Variants in ADPRHL1 observed in about 807,000 individuals in gnomAD.
ADPRHL1 encodes the protein ADP-ribosylhydrolase like 1, also known as inactive ADP-ribosyltransferase ARH2.
ADPRHL1 carries 43 observed loss-of-function variants against 44.1 expected under a neutral mutation model. The ratio of observed to expected loss-of-function variants is 0.98; its 90% CI spans 0.76 to 1.26. ADPRHL1 has a LOEUF of 1.26. Among genes scored for constraint, ADPRHL1 ranks in the 50% most tolerant of loss-of-function variants. ADPRHL1 has a pLI of 0.00. For missense variants in ADPRHL1, 2,022 were observed against 2,496.9 expected (o/e 0.81, Z 4.05); for synonymous variants, 878 against 1,017.4 (o/e 0.86, Z 2.61).
At chr13:113,443,577 C>T (rs1249223765) in intron 2 of ADPRHL1, among the ~76,000 whole-genome samples, 2 of 151,954 alleles carry the variant, frequency 1.3e-5, no homozygotes, top group Admixed American at 6.6e-5. Context: ...CATGACTGCA[C>T]CACTGCACTC....
intron 7 of ADPRHL1, among the ~76,000 whole-genome samples, chr13:113,417,211 C>T (rs1025594317): frequency 6.6e-6 from 1 of 152,140 alleles, no homozygotes; most frequent in East Asian, 1.9e-4. Context: ...GTGTGTGGGA[C>T]AAGACAAGGC....
At chr13:113,451,343 T>G (rs1876063572) in intron 1 of ADPRHL1, among the ~76,000 whole-genome samples, 1 of 152,214 alleles carries the variant, frequency 6.6e-6, no homozygotes, top group South Asian at 2.1e-4. Context: ...TCGTGTCCTC[T>G]GTCTCTTGCC....
rs993822984 is a variant in ADPRHL1 at position 113,403,776 on chromosome 13, C to G, written c.5506G>C (p.Gly1836Arg). The G allele has an allele frequency of 9.7e-6, 12 of 1,233,198 alleles. No individual in the cohort carries two copies. The African/African-American group carries it at 1.7e-4, about 18-fold the overall frequency. 76.4% of individuals were successfully genotyped at this position (1,233,198 alleles called of 1,614,324 possible). Residue 1836 changes from glycine (G) to arginine (R), a missense_variant, in exon 8 of 8, where the codon GGG becomes CGG. Around this residue, in one of 8 missense-constraint regions of ADPRHL1, gnomAD observed 205 missense variants for 250.1 expected, o/e 0.82. Transcript: ENST00000612156. Reference sequence around the variant, plus strand: ...CTGGGGGCTGGGCTTCTGGACCCCCCACTCCTGCCAGCAGCATCCACTCCC... The same window carrying G: ...CTGGGGGCTGGGCTTCTGGACCCCCGACTCCTGCCAGCAGCATCCACTCCC... ...AEGVDAAGRS[G>R]GSRSPAPRDG...
intron 4 of ADPRHL1, among the ~76,000 whole-genome samples, chr13:113,427,662 G>C (rs1378518258): frequency 6.6e-6 from 1 of 152,172 alleles, no homozygotes; most frequent in Non-Finnish European, 1.5e-5. Context: ...CGGTAAGAGA[G>C]ATGAAACCAC....
At position 113,405,603 on chromosome 13, in the gene ADPRHL1, A is replaced by G; in HGVS notation, c.3679T>C (p.Leu1227=). 1 of 1,232,564 alleles carries G rather than the reference A, an allele frequency of 8.1e-7. No homozygotes were observed. Among genetic ancestry groups the G allele is most frequent in the East Asian group, 3.2e-5 (1 of 31,712 alleles). 76.4% of individuals were successfully genotyped at this position (1,232,564 alleles called of 1,614,324 possible). A position where few individuals can be genotyped will look rare whatever the true frequency, so the allele number is the denominator to read the frequency against. ...GCTGCTGATGTGTTTGAAATGTATAATCGGGCCGCCTCTGGGTGCCGGGCG... is the reference window on the plus strand; with the variant it reads ...GCTGCTGATGTGTTTGAAATGTATAGTCGGGCCGCCTCTGGGTGCCGGGCG... ...ALARHPEAAR[L]YISNTSAASR... The change falls in exon 8 of 8, where the codon TTA becomes CTA. Residue 1227 remains leucine (L), a synonymous_variant. Coordinates refer to ENST00000612156, the MANE Select transcript of ADPRHL1 (RefSeq NM_001394807.1).
At position 113,424,286 on chromosome 13, in the gene ADPRHL1, C is replaced by T. The variant is rs2043947199; in HGVS notation, c.838G>A (p.Ala280Thr). The T allele has an allele frequency of 6.2e-7, 1 of 1,612,966 alleles. No individual in the cohort carries two copies. The highest frequency in any genetic ancestry group is 8.5e-7 in the Non-Finnish European group (1 of 1,179,944). The change falls in exon 6 of 8, where the codon GCC becomes ACC. Residue 280 changes from alanine to threonine, a missense_variant. Transcript: ENST00000612156. ...CCTGCTGCAAGGAGGGCGTCATAGGCTATCATGGGGGCATCGTGGCCTCGT... is the reference window on the plus strand; with the variant it reads ...CCTGCTGCAAGGAGGGCGTCATAGGTTATCATGGGGGCATCGTGGCCTCGT... The part of the protein sequence containing the change: ...GRRGHDAPMI[A>T]YDALLAAGNS...
In ADPRHL1 at chr13:113,408,269, A is replaced by G. The variant is rs1247330824; in HGVS notation, c.1062-49T>C. 3.2e-6 allele frequency: 4 copies of G among 1,230,966 alleles called. No homozygotes were observed. In the East Asian group the frequency reaches 1.3e-4, roughly 39 times the overall value. 76.3% of individuals were successfully genotyped at this position (1,230,966 alleles called of 1,614,324 possible). A position where few individuals can be genotyped will look rare whatever the true frequency, so the allele number is the denominator to read the frequency against. ...CCTACTTCATCATCATTTTTCTCCA[A>G]GATGACTCTATAGAACATTTATCAT... is the stretch of plus-strand genomic sequence containing the variant. On this transcript the variant is annotated intron_variant, in intron 7 of 7. Transcript: ENST00000612156.
intron 1 of ADPRHL1, among the ~76,000 whole-genome samples, chr13:113,446,248 AC>A (rs1182219725): frequency 1.4e-5 from 2 of 146,376 alleles, no homozygotes; most frequent in Non-Finnish European, 3.0e-5. Context: ...GCAGCTGCAA[AC>A]CCCCCAGAGA....
At position 113,406,364 on chromosome 13, in the gene ADPRHL1, T is replaced by C. The variant is rs2043808542; in HGVS notation, c.2918A>G (p.Asp973Gly). ...ENSHGPRNPDDISGERTSELR... is the reference protein window; with the variant it reads ...ENSHGPRNPDGISGERTSELR... ...CTCAGAGGTCCTCTCTCCTGAAATA[T>C]CGTCAGGATTCCTGGGACCGTGTGA... Residue 973 changes from aspartate (D) to glycine (G), a missense_variant, in exon 8 of 8, where the codon GAT becomes GGT. Coordinates refer to ENST00000612156, the MANE Select transcript of ADPRHL1 (RefSeq NM_001394807.1). 2 of 1,232,090 alleles carry C rather than the reference T, an allele frequency of 1.6e-6. No homozygotes were observed. Among genetic ancestry groups the C allele is most frequent in the Non-Finnish European group, 2.0e-6 (2 of 987,964 alleles). 76.3% of individuals were successfully genotyped at this position (1,232,090 alleles called of 1,614,324 possible). A position where few individuals can be genotyped will look rare whatever the true frequency, so the allele number is the denominator to read the frequency against.
chr13:113,419,237 G>A (rs1434879755), intron 7 of ADPRHL1, among the ~76,000 whole-genome samples: 2 of 146,642 alleles, frequency 1.4e-5, no homozygotes, highest in African/African-American at 5.1e-5. Context: ...CTCCCAAGGA[G>A]CTGGGACTAC....
In ADPRHL1 at chr13:113,406,050, A is replaced by C; in HGVS notation, c.3232T>G (p.Ser1078Ala). 8.1e-7 allele frequency: 1 copy of C among 1,232,158 alleles called. No homozygotes were observed. Among genetic ancestry groups the C allele is most frequent in the Non-Finnish European group, 1.0e-6 (1 of 988,034 alleles). 76.3% of individuals were successfully genotyped at this position (1,232,158 alleles called of 1,614,324 possible). Residue 1078 changes from serine (S) to alanine (A), a missense_variant, in exon 8 of 8, where the codon TCT (serine) becomes GCT (alanine). Ser to Ala is a moderately conservative substitution (Grantham distance 99, BLOSUM62 1). This residue lies in a region of ADPRHL1 where 1,221 missense variants were observed against 1,517.8 expected (regional missense o/e 0.80). Transcript: ENST00000612156. The stretch of plus-strand genomic sequence containing the variant: ...TCCTCGGCAGCCTTCAGGGGCTGAG[A>C]AGACTCTATTAGCAGCGGCCTTCTG... ...ECRRPLLIES[S>A]QPLKAAEEIT...
At chr13:113,422,645 A>G (rs2043933684) in intron 7 of ADPRHL1, 181 bp downstream of exon 7, 1 of 767,980 alleles carries the variant, frequency 1.3e-6, no homozygotes, top group Non-Finnish European at 2.0e-6. Context: ...CAGGACAAAC[A>G]ATGTATTTTA....
rs1424113278 is a variant in ADPRHL1, at chr13:113,444,553, A to G, written c.251T>C (p.Val84Ala). The G allele has an allele frequency of 6.2e-7, 1 of 1,612,702 alleles. No homozygotes were observed. The highest frequency in any genetic ancestry group is 1.7e-5 in the Admixed American group (1 of 59,980). ...CTCAACGATTTCCACATAGCATCTC[A>G]CCATCTCCCGGTACAGATCATCCAG... ...WCLDDLYREM[V>A]RCYVEIVEKL... is the part of the protein sequence containing the mutation. The change falls in exon 2 of 8, where the codon GTG (valine) becomes GCG (alanine). Residue 84 changes from valine (V) to alanine (A), a missense_variant. By Grantham distance (64) the Val-to-Ala change is moderately conservative (BLOSUM62 0). This residue lies in a region of ADPRHL1 where 437 missense variants were observed against 430.7 expected (regional missense o/e 1.01). Transcript: ENST00000612156.
intron 4 of ADPRHL1, 131 bp downstream of exon 4, chr13:113,428,821 C>G: frequency 2.1e-6 from 3 of 1,407,040 alleles, no homozygotes; most frequent in Non-Finnish European, 1.9e-6. Flanking sequence ...GCTCTGCTCA[C>G]ATGGCCCGGA....
In ADPRHL1 at chr13:113,400,301, A is replaced by T. The variant is rs1462427821; in HGVS notation, c.*3077T>A. ...GCTGGGACTACAGGCACCCACCACCACGCCCGGCTAATTTTTGTATTTTTA... is the reference window on the plus strand; with the variant it reads ...GCTGGGACTACAGGCACCCACCACCTCGCCCGGCTAATTTTTGTATTTTTA... On this transcript the variant is annotated 3_prime_UTR_variant, in exon 8 of 8. Transcript: ENST00000612156. 2 of 149,544 alleles carry T rather than the reference A, an allele frequency of 1.3e-5. No individual in the cohort carries two copies. Among genetic ancestry groups the T allele is most frequent in the South Asian group, 2.1e-4 (1 of 4,732 alleles). The allele number at this position is 149,544 out of a possible 1,614,324, so 9.3% of individuals were successfully genotyped here.
intron 7 of ADPRHL1, among the ~76,000 whole-genome samples, chr13:113,421,327 A>C (rs1595542747): frequency 1.2e-5 from 1 of 84,962 alleles, no homozygotes; most frequent in Non-Finnish European, 2.3e-5. Flanking sequence ...ACCCCGGGAC[A>C]CGCCCACCCC....
At chr13:113,425,017 G>T in intron 5 of ADPRHL1, 35 bp downstream of exon 5, 1 of 1,611,984 alleles carries the variant, frequency 6.2e-7, no homozygotes, top group Non-Finnish European at 8.5e-7. Context: ...CCACTGGTGT[G>T]CCAGACATTG....
chr13:113,428,998 C>A lies in ADPRHL1; in HGVS notation c.600G>T (p.Val200=), dbSNP rs1255250996. The A allele has an allele frequency of 6.2e-7, 1 of 1,612,840 alleles. No individual in the cohort carries two copies. Among genetic ancestry groups the A allele is most frequent in the Non-Finnish European group, 8.5e-7 (1 of 1,180,016 alleles). The change falls in exon 4 of 8, where the codon GTG becomes GTT. Residue 200 remains valine (V), a synonymous_variant. Coordinates refer to ENST00000612156, the MANE Select transcript of ADPRHL1 (RefSeq NM_001394807.1). ...VQWGRDMLRA[V]PLAEEYCRKT... ...TCCTGCAGTACTCTTCTGCCAGAGG[C>A]ACCGCCCGCAGCATGTCTCTCCCCC...
chr13:113,443,203 T>C (rs7334910), intron 2 of ADPRHL1, among the ~76,000 whole-genome samples: 30,447 of 152,158 alleles, frequency 0.2, 3,217 homozygotes, highest in Middle Eastern at 0.29. Flanking sequence ...GCATGCCTCA[T>C]ATGCTGTTGA....
Sources: gnomAD v4.1 joint callset for allele counts (sites outside exome capture counted in the v4.1 genomes callset) on GRCh38, gnomAD v4.1.1 for gene constraint, gnomAD v4.1.1 regional missense constraint, MANE v1.5 for transcripts, NCBI Gene and HGNC (gene_info 2026-07-23, HGNC 2026-07-21) for gene names.